Variants in COL11A1 observed in about 807,000 individuals in gnomAD.
The protein encoded by COL11A1 is collagen alpha-1(XI) chain.
A neutral mutation model predicts 265.2 loss-of-function variants in COL11A1; 74 were observed. That is an observed-to-expected ratio of 0.28 (90% CI 0.23 to 0.34). COL11A1 has a LOEUF of 0.34. COL11A1 is among the 10% of genes least tolerant of loss of function. COL11A1 has a pLI of 1.00. For synonymous variants in COL11A1, 816 were observed against 727.6 expected (o/e 1.12, Z -1.96); for missense variants, 2,165 against 2,263.6 (o/e 0.96, Z 0.88).
chr1:103,045,767 C>A (rs980350413), intron 4 of COL11A1, among the ~76,000 whole-genome samples: 52 of 147,422 alleles, frequency 3.5e-4, no homozygotes, highest in Middle Eastern at 7.3e-3. Flanking sequence ...ATCCCTCCCC[C>A]CTACCCCCAC....
At chr1:102,888,837 C>G in intron 60 of COL11A1, 29 bp downstream of exon 60, 1 of 1,611,392 alleles carries the variant, frequency 6.2e-7, no homozygotes, top group South Asian at 1.1e-5. Context: ...TTAACCCTAC[C>G]TTATAAGGTT....
Position 103,059,716 on chromosome 1 carries a change from A to G in COL11A1, c.651+14902T>C, listed in dbSNP as rs539109274. On this transcript the variant is annotated intron_variant, in intron 4 of 66. Transcript: ENST00000370096. The stretch of plus-strand genomic sequence containing the variant: ...ATAAATGCTGTAGATAAAAAACACC[A>G]TAATTGAAATGAAGCATACATTTGA... Among the ~76,000 whole-genome samples, 42 of 152,302 alleles carry G rather than the reference A, an allele frequency of 2.8e-4. No homozygotes were observed. In the East Asian group the frequency reaches 6.9e-3, roughly 25 times the overall value.
intron 64 of COL11A1, 112 bp from the exon 65 acceptor site, chr1:102,881,877 T>A: frequency 1.2e-6 from 1 of 807,456 alleles, no homozygotes; most frequent in Non-Finnish European, 2.0e-6. Context: ...AAAGAGTGCT[T>A]AAAATCGTTT....
At chr1:103,008,855 G>C (rs1665871971) in intron 14 of COL11A1, among the ~76,000 whole-genome samples, 1 of 152,156 alleles carries the variant, frequency 6.6e-6, no homozygotes, top group South Asian at 2.1e-4. Context: ...ACTACACTGT[G>C]ATGTAGTAGT....
chr1:102,894,722 A>G (rs768937821), intron 57 of COL11A1, among the ~76,000 whole-genome samples: 2 of 152,184 alleles, frequency 1.3e-5, no homozygotes, highest in Non-Finnish European at 2.9e-5. Context: ...CAATAGAGTT[A>G]TTTATATAGG....
In COL11A1 at chr1:102,886,998, C is replaced by T; in HGVS notation, c.4667G>A (p.Arg1556Lys). Reference sequence around the variant, plus strand: ...ATCTGCTTGCATGCCTTCAGTATGTCTTCTCGTTTTTTTGGAGGACAAGAT... The same window carrying T: ...ATCTGCTTGCATGCCTTCAGTATGTTTTCTCGTTTTTTTGGAGGACAAGAT... ...LPILSSKKTR[R>K]HTEGMQADAD... is the part of the protein sequence containing the mutation. Residue 1556 changes from arginine (R) to lysine (K), a missense_variant, in exon 63 of 67, where the codon AGA becomes AAA. Transcript: ENST00000370096. 1 of 1,613,822 alleles carries T rather than the reference C, an allele frequency of 6.2e-7. No individual in the cohort carries two copies. Among genetic ancestry groups the T allele is most frequent in the Non-Finnish European group, 8.5e-7 (1 of 1,179,852 alleles).
intron 24 of COL11A1, 40 bp from the exon 25 acceptor site, chr1:102,998,403 T>A (rs1315486487): frequency 6.9e-7 from 1 of 1,442,660 alleles, no homozygotes; most frequent in Admixed American, 2.2e-5. Context: ...ATAAAAATAA[T>A]TTTAAAAAGC....
chr1:103,048,546 C>T (rs907775594), intron 4 of COL11A1, among the ~76,000 whole-genome samples: 4 of 152,048 alleles, frequency 2.6e-5, no homozygotes, highest in African/African-American at 9.7e-5. Context: ...TTTCAGAAAA[C>T]CAGCTCCTGG....
chr1:103,108,350 G>A lies in COL11A1; in HGVS notation c.-172C>T. The A allele has an allele frequency of 1.5e-6, 1 of 672,234 alleles. No homozygotes were observed. The allele number at this position is 672,234 out of a possible 1,614,324, so 41.6% of individuals were successfully genotyped here. A position where few individuals can be genotyped will look rare whatever the true frequency, so the allele number is the denominator to read the frequency against. On this transcript the variant is annotated 5_prime_UTR_variant, in exon 1 of 67. It adds an upstream start codon to the 5' untranslated region. Transcript: ENST00000370096. ...CTAAATTTGATGGTTTGCGTTCTTC[G>A]TGTCTCTAGCCCTTTCCTCTCCCTC...
chr1:103,013,404 G>C (rs1666290837), intron 13 of COL11A1, among the ~76,000 whole-genome samples: 1 of 151,764 alleles, frequency 6.6e-6, no homozygotes, highest in African/African-American at 2.4e-5. Flanking sequence ...GGAATTCAAT[G>C]ACCTCATAAA....
intron 1 of COL11A1, among the ~76,000 whole-genome samples, chr1:103,096,906 G>C (rs1673819668): frequency 6.6e-6 from 1 of 151,978 alleles, no homozygotes; most frequent in African/African-American, 2.4e-5. Context: ...TTGTCTTATA[G>C]CAGATTTTAT....
chr1:102,891,142 T>C (rs1163550188), intron 57 of COL11A1, among the ~76,000 whole-genome samples: 2 of 152,214 alleles, frequency 1.3e-5, no homozygotes, highest in Non-Finnish European at 2.9e-5. Flanking sequence ...TCAATTCTTA[T>C]TCTTTGTTCT....
intron 4 of COL11A1, among the ~76,000 whole-genome samples, chr1:103,072,247 T>C (rs538636083): frequency 6.6e-6 from 1 of 152,098 alleles, no homozygotes; most frequent in East Asian, 1.9e-4. Context: ...AGTCATTAGA[T>C]TGAAATTCAA....
At chr1:103,056,916 C>T (rs939296961) in intron 4 of COL11A1, among the ~76,000 whole-genome samples, 6 of 152,152 alleles carry the variant, frequency 3.9e-5, no homozygotes, top group African/African-American at 1.4e-4. Flanking sequence ...TTTGAACCTT[C>T]AGCAAACTGT....
chr1:103,099,051 G>A (rs1011509844), intron 1 of COL11A1, among the ~76,000 whole-genome samples: 1 of 151,728 alleles, frequency 6.6e-6, no homozygotes, highest in African/African-American at 2.4e-5. Flanking sequence ...TGTCAACAAC[G>A]CCCTCACTTC....
At chr1:103,017,694 G>C (rs1666674277) in intron 11 of COL11A1, 126 bp downstream of exon 11, 1 of 809,470 alleles carries the variant, frequency 1.2e-6, no homozygotes, top group African/African-American at 1.7e-5. Context: ...GTGCAGCACT[G>C]AATTCATGCT....
intron 1 of COL11A1, among the ~76,000 whole-genome samples, chr1:103,098,770 G>A (rs1673993681): frequency 6.6e-6 from 1 of 151,806 alleles, no homozygotes; most frequent in Admixed American, 6.6e-5. Flanking sequence ...AATCTTCAAT[G>A]CTTGAAGAAA....
chr1:103,023,392 G>A (rs1667259273), intron 7 of COL11A1, among the ~76,000 whole-genome samples: 1 of 145,624 alleles, frequency 6.9e-6, no homozygotes, highest in African/African-American at 2.5e-5. Context: ...TGAGATGGAT[G>A]GAGTTTCACT....
chr1:103,025,454 AG>A, intron 7 of COL11A1, 66 bp downstream of exon 7: 1 of 1,053,944 alleles, frequency 9.5e-7, no homozygotes, highest in South Asian at 1.3e-5. Flanking sequence ...TCCAGAGTGA[AG>A]TATATCAAAA....
Sources: allele counts gnomAD v4.1 joint callset (sites outside exome capture counted in the v4.1 genomes callset), GRCh38; gene constraint gnomAD v4.1.1; transcripts MANE v1.5; gene names NCBI Gene and HGNC (gene_info 2026-07-23, HGNC 2026-07-21).